The following CCDC85A variants were observed in gnomAD, a reference collection of about 807,000 sequenced individuals.
The protein encoded by CCDC85A is coiled-coil domain-containing protein 85A.
CCDC85A carries 38 observed loss-of-function variants against 50.2 expected under a neutral mutation model. That is an observed-to-expected ratio of 0.76 (90% CI 0.58 to 0.99). The LOEUF (loss-of-function observed/expected upper bound fraction) is 0.99. Ranked by LOEUF, CCDC85A falls within the 50% of genes least tolerant of loss-of-function variation. The pLI is 0.00. For synonymous variants in CCDC85A, 366 were observed against 301.4 expected, an observed-to-expected ratio of 1.21 and a Z score of -2.22; for missense variants, 820 against 742.0, an observed-to-expected ratio of 1.11 and a Z score of -1.22.
chr2:56,319,185 C>T (rs529514027), intron 2 of CCDC85A, among the ~76,000 whole-genome samples: 1 of 152,230 alleles, frequency 6.6e-6, no homozygotes, highest in Non-Finnish European at 1.5e-5. Context: ...TGGTGATTTA[C>T]ACATAGCAAC....
rs780455857 is a variant in CCDC85A at position 56,192,810 on chromosome 2, G to T, written c.610G>T (p.Val204Leu). ...ACTCACAGCCTCCACCGCACCCTACGTGCGGGATGTGGGTGACGGCAGCAG... is the reference window on the plus strand; with the variant it reads ...ACTCACAGCCTCCACCGCACCCTACTTGCGGGATGTGGGTGACGGCAGCAG... ...CQLTASTAPY[V>L]RDVGDGSSTS... The change falls in exon 2 of 6, where the codon GTG (valine) becomes TTG (leucine). Residue 204 changes from valine (V) to leucine (L), a missense_variant. By Grantham distance (32) the Val-to-Leu change is conservative (BLOSUM62 1). Transcript: ENST00000407595. The surrounding 1 kb of genome is among the most constrained non-coding windows in gnomAD (Gnocchi z 4.7). The T allele has an allele frequency of 3.7e-6, 6 of 1,613,374 alleles. No individual in the cohort carries two copies. The highest frequency in any genetic ancestry group is 5.1e-6 in the Non-Finnish European group (6 of 1,179,710).
intron 2 of CCDC85A, among the ~76,000 whole-genome samples, chr2:56,233,978 T>G (rs1668889059): frequency 6.6e-6 from 1 of 152,216 alleles, no homozygotes; most frequent in South Asian, 2.1e-4. Context: ...CTGGGTTGTT[T>G]CTCAAGCATA....
intron 2 of CCDC85A, among the ~76,000 whole-genome samples, chr2:56,255,167 T>G (rs1669929239): frequency 6.6e-6 from 1 of 152,348 alleles, no homozygotes; most frequent in East Asian, 1.9e-4. Context: ...TTGGCCAGAC[T>G]GACCACATGG....
intron 2 of CCDC85A, among the ~76,000 whole-genome samples, chr2:56,239,471 G>C (rs912442455): frequency 6.6e-6 from 1 of 152,036 alleles, no homozygotes; most frequent in South Asian, 2.1e-4. Context: ...ACTACATGTT[G>C]CTGGGAGGTA....
At chr2:56,221,787 A>C (rs972772341) in intron 2 of CCDC85A, among the ~76,000 whole-genome samples, 10 of 152,126 alleles carry the variant, frequency 6.6e-5, no homozygotes, top group African/African-American at 2.2e-4. Flanking sequence ...TAAATTTTTA[A>C]GTGTTTTTAA....
chr2:56,283,629 T>A (rs1671300914), intron 2 of CCDC85A, among the ~76,000 whole-genome samples: 1 of 152,202 alleles, frequency 6.6e-6, no homozygotes, highest in Non-Finnish European at 1.5e-5. Context: ...ATGCTGATTC[T>A]TCTTGAATCA....
intron 2 of CCDC85A, among the ~76,000 whole-genome samples, chr2:56,337,344 A>T (rs1459299050): frequency 1.3e-5 from 2 of 152,230 alleles, no homozygotes; most frequent in East Asian, 3.8e-4. Flanking sequence ...TAATGTCTAG[A>T]TGCCCATAGG....
At chr2:56,290,274 C>A (rs1225880344) in intron 2 of CCDC85A, among the ~76,000 whole-genome samples, 1 of 152,110 alleles carries the variant, frequency 6.6e-6, no homozygotes, top group African/African-American at 2.4e-5. Flanking sequence ...AGAGGTGTAA[C>A]ATTTTTGCTA....
intron 2 of CCDC85A, among the ~76,000 whole-genome samples, chr2:56,328,701 T>G (rs1006028914): frequency 6.6e-6 from 1 of 152,212 alleles, no homozygotes; most frequent in Non-Finnish European, 1.5e-5. Context: ...AATATAGCGA[T>G]GATCTTTGAT....
intron 2 of CCDC85A, among the ~76,000 whole-genome samples, chr2:56,340,531 CAGA>C (rs961972047): frequency 5.9e-5 from 9 of 152,052 alleles, no homozygotes; most frequent in African/African-American, 2.2e-4. Context: ...GGGCATAAAG[CAGA>C]AGAAGAAGCC....
intron 2 of CCDC85A, among the ~76,000 whole-genome samples, chr2:56,272,284 A>AG (rs1427808848): frequency 6.6e-6 from 1 of 152,126 alleles, no homozygotes; most frequent in African/African-American, 2.4e-5. Flanking sequence ...TAAAAAAAAA[A>AG]CAGCAGAAAG....
chr2:56,353,331 G>A (rs995643050), intron 3 of CCDC85A, among the ~76,000 whole-genome samples: 4 of 152,140 alleles, frequency 2.6e-5, no homozygotes, highest in Non-Finnish European at 5.9e-5. Context: ...ATAAAATCAT[G>A]TATAATGAAC....
intron 2 of CCDC85A, chr2:56,235,302 G>A (rs1349540524): frequency 6.6e-6 from 1 of 152,118 alleles, no homozygotes; most frequent in Non-Finnish European, 1.5e-5. Flanking sequence ...GAGGAGATCT[G>A]GTGCATTCAG....
intron 2 of CCDC85A, among the ~76,000 whole-genome samples, chr2:56,262,228 G>A (rs1443901049): frequency 1.3e-5 from 2 of 151,988 alleles, no homozygotes; most frequent in Non-Finnish European, 2.9e-5. Flanking sequence ...CCTTAATTGA[G>A]GTGTAGATAA....
rs565958823 is a variant in CCDC85A, at chr2:56,248,905, C to T, written c.1240+55465C>T. ...TGTCAGATAGTATGATGCCAAAATC[C>T]ATACCCTTAGCTACCATAGTTGTCC... On this transcript the variant is annotated intron_variant, in intron 2 of 5. Coordinates refer to ENST00000407595, the MANE Select transcript of CCDC85A (RefSeq NM_001080433.2). Among the ~76,000 whole-genome samples, 44 of 152,274 alleles carry T rather than the reference C, an allele frequency of 2.9e-4. No individual in the cohort carries two copies. The South Asian group carries it at 9.1e-3, about 32-fold the overall frequency.
At chr2:56,323,511 C>G (rs1246819342) in intron 2 of CCDC85A, among the ~76,000 whole-genome samples, 4 of 151,900 alleles carry the variant, frequency 2.6e-5, no homozygotes, top group East Asian at 3.9e-4. Flanking sequence ...AAGTTTCTGA[C>G]CCTGTGGGTT....
chr2:56,295,410 T>TAA (rs1671902268), intron 2 of CCDC85A, among the ~76,000 whole-genome samples: 1 of 152,186 alleles, frequency 6.6e-6, no homozygotes, highest in Admixed American at 6.5e-5. Flanking sequence ...ATGGGCAGAT[T>TAA]TTGCCTATGG....
chr2:56,308,325 TG>T (rs1672536074), intron 2 of CCDC85A, among the ~76,000 whole-genome samples: 1 of 152,134 alleles, frequency 6.6e-6, no homozygotes, highest in African/African-American at 2.4e-5. Context: ...AAGACAGTGT[TG>T]GGGGAACGTT....
chr2:56,276,737 T>A (rs1670965303), intron 2 of CCDC85A, among the ~76,000 whole-genome samples: 2 of 151,978 alleles, frequency 1.3e-5, no homozygotes, highest in African/African-American at 4.8e-5. Context: ...ATACAGTGAG[T>A]GTATTTTTTT....
Sources: allele counts gnomAD v4.1 joint callset (sites outside exome capture counted in the v4.1 genomes callset), GRCh38; gene constraint gnomAD v4.1.1; non-coding constraint Gnocchi (gnomAD v3.1); transcripts MANE v1.5; gene names NCBI Gene and HGNC (gene_info 2026-07-23, HGNC 2026-07-21).